ALOX12B: variants seen among roughly 807,000 people sequenced by gnomAD.
ALOX12B encodes arachidonate 12-lipoxygenase, 12R type.
A neutral mutation model predicts 78.9 loss-of-function variants in ALOX12B; 47 were observed. The observed-to-expected ratio is 0.60, with a 90% CI of 0.47 to 0.76. The LOEUF (loss-of-function observed/expected upper bound fraction) is 0.76, where lower values mean the gene tolerates loss of function less well. ALOX12B is among the 30% of genes least tolerant of loss of function. ALOX12B has a pLI of 0.00. For synonymous variants in ALOX12B, 370 were observed against 374.5 expected, an observed-to-expected ratio of 0.99 and a Z score of 0.14; for missense variants, 805 against 922.6, an observed-to-expected ratio of 0.87 and a Z score of 1.65.
At chr17:8,075,472 T>C in intron 12 of ALOX12B, 123 bp downstream of exon 12, 1 of 1,494,150 alleles carries the variant, frequency 6.7e-7, no homozygotes, top group Non-Finnish European at 9.2e-7. Flanking sequence ...GGCAGCAATT[T>C]GGTCTCCTTC....
Position 8,072,920 on chromosome 17 carries a change from A to C in ALOX12B, c.1957T>G (p.Phe653Val). The C allele has an allele frequency of 1.2e-6, 2 of 1,613,674 alleles. No individual in the cohort carries two copies. The highest frequency in any genetic ancestry group is 1.7e-6 in the Non-Finnish European group (2 of 1,179,814). Residue 653 changes from phenylalanine (F) to valine (V), a missense_variant, in exon 15 of 15, where the codon TTC becomes GTC. Transcript: ENST00000647874. ...RPLGHFPDIH[F>V]VEEAPRRSIE... ...CTCCTCCGCGGGGCCTCCTCCACGA[A>C]GTGAATGTCCGGGAAGTGTCCCAGG...
In ALOX12B at chr17:8,079,832, G is replaced by A. The variant is rs1977169443; in HGVS notation, c.864C>T (p.Pro288=). ...ACGGAGCCACCATGTCGTCTGTGAC[G>A]GGGAACTTGTCTGGGATCCGCGTGC... ...RRCTRIPDKF[P]VTDDMVAPFL... is the part of the protein sequence containing the mutation. The change falls in exon 7 of 15, where the codon CCC becomes CCT. Residue 288 remains proline (P), a synonymous_variant. Coordinates refer to ENST00000647874, the MANE Select transcript of ALOX12B (RefSeq NM_001139.3). This position sits in a 1 kb window ranked among gnomAD's most constrained non-coding sequence, Gnocchi z 6.4. The A allele has an allele frequency of 1.9e-6, 3 of 1,613,502 alleles. No homozygotes were observed. In the South Asian group the frequency reaches 3.3e-5, roughly 18 times the overall value.
Position 8,079,260 on chromosome 17 carries a change from T to C in ALOX12B, c.1071+136A>G. 7.4e-7 allele frequency: 1 copy of C among 1,352,304 alleles called. No individual in the cohort carries two copies. Among genetic ancestry groups the C allele is most frequent in the Non-Finnish European group, 9.9e-7 (1 of 1,012,524 alleles). 83.8% of individuals were successfully genotyped at this position (1,352,304 alleles called of 1,614,324 possible). Reference sequence around the variant, plus strand: ...AGATTTTGGCATCCCGGGGAGGTCCTGGAACCAATCTCTCAAGGATAACGA... The same window carrying C: ...AGATTTTGGCATCCCGGGGAGGTCCCGGAACCAATCTCTCAAGGATAACGA... On this transcript the variant is annotated intron_variant, in intron 8 of 14. Transcript: ENST00000647874. This position sits in a 1 kb window ranked among gnomAD's most constrained non-coding sequence, Gnocchi z 6.4.
rs370849449 is a variant in ALOX12B at position 8,080,805 on chromosome 17, T to C, written c.528-25A>G. 6.2e-6 allele frequency: 10 copies of C among 1,613,862 alleles called. No individual in the cohort carries two copies. Among genetic ancestry groups the C allele is most frequent in the Admixed American group, 1.7e-5 (1 of 59,992 alleles). On this transcript the variant is annotated intron_variant, in intron 4 of 14. Coordinates refer to ENST00000647874, the MANE Select transcript of ALOX12B (RefSeq NM_001139.3). This position sits in a 1 kb window ranked among gnomAD's most constrained non-coding sequence, Gnocchi z 4.8. The stretch of plus-strand genomic sequence containing the variant: ...CCTGTGGGGAGAAGCGCAGGGCAAC[T>C]GGGATCCAGGGGGCGGGGAGGAGGC...
In ALOX12B at chr17:8,076,090, C is replaced by T. The variant is rs1977073973; in HGVS notation, c.1532+85G>A. The T allele has an allele frequency of 3.2e-6, 5 of 1,572,512 alleles. No individual in the cohort carries two copies. The Admixed American group carries it at 5.1e-5, about 16-fold the overall frequency. On this transcript the variant is annotated intron_variant, in intron 11 of 14. Transcript: ENST00000647874. ...GCCCCTGGATGACACCAGACCCACA[C>T]TCAGTTCTCTAGAAGCTCCCCACAC...
chr17:8,086,293 C>T, intron 1 of ALOX12B, 73 bp from the exon 2 acceptor site: 1 of 1,475,504 alleles, frequency 6.8e-7, no homozygotes, highest in Non-Finnish European at 9.3e-7. Context: ...CCCTCTGGCC[C>T]CTCACCTAGG....
Position 8,074,189 on chromosome 17 carries a change from G to T in ALOX12B, c.1655-432C>A, listed in dbSNP as rs1215679128. ...TCCAGACTCTGTGCCCACTCCAGAT[G>T]GATTTCTCAGTCCCACACATCTTCC... On this transcript the variant is annotated intron_variant, in intron 12 of 14. Coordinates refer to ENST00000647874, the MANE Select transcript of ALOX12B (RefSeq NM_001139.3). 2.6e-5 allele frequency among the ~76,000 whole-genome samples: 4 copies of T among 152,042 alleles called. No homozygotes were observed. The East Asian group carries it at 7.7e-4, about 29-fold the overall frequency.
In ALOX12B at chr17:8,072,662, T is replaced by G; in HGVS notation, c.*109A>C. The G allele has an allele frequency of 5.5e-6, 8 of 1,448,536 alleles. No homozygotes were observed. Among genetic ancestry groups the G allele is most frequent in the Non-Finnish European group, 6.7e-6 (7 of 1,039,576 alleles). 89.7% of individuals were successfully genotyped at this position (1,448,536 alleles called of 1,614,324 possible). A position where few individuals can be genotyped will look rare whatever the true frequency, so the allele number is the denominator to read the frequency against. On this transcript the variant is annotated 3_prime_UTR_variant, in exon 15 of 15. Transcript: ENST00000647874. ...AAAGGAAGGTTTTTTGTTTTTTTGT[T>G]TGTTTGGTGTTTTGGTCTCTGAGGT...
At chr17:8,087,249 C>CACAGACAG (rs1555644066) in intron 1 of ALOX12B, 47 bp downstream of exon 1, 17 of 1,032,678 alleles carry the variant, frequency 1.6e-5, no homozygotes, top group Non-Finnish European at 1.6e-5. Context: ...CACACACACA[C>CACAGACAG]ACACACACAG....
chr17:8,072,897 C>G lies in ALOX12B; in HGVS notation c.1980G>C (p.Arg660Ser). Residue 660 changes from arginine to serine, a missense_variant, in exon 15 of 15, where the codon AGG (arginine) becomes AGC (serine). Physicochemically the swap from Arg to Ser is moderately radical, Grantham distance 110. Transcript: ENST00000647874. ...GGCGCTGGCGGAACGCCTCTATGCT[C>G]CTCCGCGGGGCCTCCTCCACGAAGT... is the stretch of plus-strand genomic sequence containing the variant. The part of the protein sequence containing the change: ...DIHFVEEAPR[R>S]SIEAFRQRLN... 6.2e-7 allele frequency: 1 copy of G among 1,614,090 alleles called. No individual in the cohort carries two copies. Among genetic ancestry groups the G allele is most frequent in the Non-Finnish European group, 8.5e-7 (1 of 1,180,014 alleles).
rs2151823056 is a variant in ALOX12B at position 8,080,006 on chromosome 17, G to A, written c.755-65C>T. On this transcript the variant is annotated intron_variant, in intron 6 of 14. Coordinates refer to ENST00000647874, the MANE Select transcript of ALOX12B (RefSeq NM_001139.3). This position sits in a 1 kb window ranked among gnomAD's most constrained non-coding sequence, Gnocchi z 4.8. ...CCCCCTCGGGGACGGAGAGGCATGG[G>A]ACAGAAGAAGACTATGGGCACCGAG... 2 of 1,572,006 alleles carry A rather than the reference G, an allele frequency of 1.3e-6. No individual in the cohort carries two copies. Among genetic ancestry groups the A allele is most frequent in the East Asian group, 4.6e-5 (2 of 43,078 alleles).
chr17:8,076,209 C>A lies in ALOX12B; in HGVS notation c.1498G>T (p.Asp500Tyr). 2.5e-6 allele frequency: 4 copies of A among 1,614,142 alleles called. No individual in the cohort carries two copies. Among genetic ancestry groups the A allele is most frequent in the Non-Finnish European group, 3.4e-6 (4 of 1,180,028 alleles). The change falls in exon 11 of 15, where the codon GAT becomes TAT. Residue 500 changes from aspartate (D) to tyrosine (Y), a missense_variant. By Grantham distance (160) the Asp-to-Tyr change is radical (BLOSUM62 -3). Coordinates refer to ENST00000647874, the MANE Select transcript of ALOX12B (RefSeq NM_001139.3). The stretch of plus-strand genomic sequence containing the variant: ...GCATTCCACACCGCCAAGCTGTCAT[C>A]GCGGTAGTAATATCCAGGCAGGTCC... ...VQDLPGYYYR[D>Y]DSLAVWNALE...
rs1598177120 is a variant in ALOX12B, at chr17:8,073,416, A to T, written c.1756-98T>A. ...ACCCGCCCTCCAGTCGCTGAGATGG[A>T]CTCCCCGCCCTTGGCGCTGAGGCTG... On this transcript the variant is annotated intron_variant, in intron 13 of 14. Transcript: ENST00000647874. 2.0e-6 allele frequency: 3 copies of T among 1,519,702 alleles called. No individual in the cohort carries two copies. The East Asian group carries it at 6.8e-5, about 35-fold the overall frequency. The allele number at this position is 1,519,702 out of a possible 1,614,324, so 94.1% of individuals were successfully genotyped here.
chr17:8,073,640 G>C lies in ALOX12B; in HGVS notation c.1755+17C>G. 1 of 1,610,254 alleles carries C rather than the reference G, an allele frequency of 6.2e-7. No individual in the cohort carries two copies. The highest frequency in any genetic ancestry group is 1.3e-5 in the African/African-American group (1 of 74,964). ...CTGAGCCTCGGGCTGGGCCTGGGTT[G>C]GTGAGACCACCGGTACCTGGCCTGT... On this transcript the variant is annotated intron_variant, in intron 13 of 14. Coordinates refer to ENST00000647874, the MANE Select transcript of ALOX12B (RefSeq NM_001139.3).
At position 8,077,104 on chromosome 17, in the gene ALOX12B, A is replaced by G; in HGVS notation, c.1161T>C (p.Tyr387=). ...TGGCCTCGTGGCTGTAGAACTCCGC[A>G]TAGCGTACCCACGTCTTGGCTAGCA... ...DWLLAKTWVR[Y]AEFYSHEAIA... The change falls in exon 9 of 15, where the codon TAT becomes TAC. Residue 387 remains tyrosine (Y), a synonymous_variant. Coordinates refer to ENST00000647874, the MANE Select transcript of ALOX12B (RefSeq NM_001139.3). The G allele has an allele frequency of 6.2e-7, 1 of 1,614,022 alleles. No homozygotes were observed. Among genetic ancestry groups the G allele is most frequent in the Non-Finnish European group, 8.5e-7 (1 of 1,180,016 alleles).
rs1375489572 is a variant in ALOX12B at position 8,083,180 on chromosome 17, T to C, written c.353-1993A>G. Among the ~76,000 whole-genome samples, 3 of 152,040 alleles carry C rather than the reference T, an allele frequency of 2.0e-5. No homozygotes were observed. In the East Asian group the frequency reaches 5.8e-4, roughly 29 times the overall value. On this transcript the variant is annotated intron_variant, in intron 2 of 14. Coordinates refer to ENST00000647874, the MANE Select transcript of ALOX12B (RefSeq NM_001139.3). The stretch of plus-strand genomic sequence containing the variant: ...GGGGTATGTGTGTGATATAGATTTA[T>C]AGATGAAGATATATATGTATACATA...
At chr17:8,084,640 G>A (rs999034773) in intron 2 of ALOX12B, among the ~76,000 whole-genome samples, 2 of 152,166 alleles carry the variant, frequency 1.3e-5, no homozygotes, top group African/African-American at 2.4e-5. Flanking sequence ...GGCTTTCCTC[G>A]CCTCTCCTTT....
intron 11 of ALOX12B, 97 bp from the exon 12 acceptor site, chr17:8,075,813 G>A (rs1032049602): frequency 6.3e-7 from 1 of 1,598,542 alleles, no homozygotes. Context: ...ACCTCAGTTG[G>A]CCCCAGAGCT....
At position 8,076,181 on chromosome 17, in the gene ALOX12B, A is replaced by T. The variant is rs1244493637; in HGVS notation, c.1526T>A (p.Leu509Gln). 4 of 1,613,946 alleles carry T rather than the reference A, an allele frequency of 2.5e-6. No individual in the cohort carries two copies. In the African/African-American group the frequency reaches 4.0e-5, roughly 16 times the overall value. ...RDDSLAVWNA[L>Q]EKYVTEIITY... ...ACTGCTGTCCTGAGCTCACTTCTCC[A>T]GTGCATTCCACACCGCCAAGCTGTC... Residue 509 changes from leucine to glutamine, a missense_variant, in exon 11 of 15, where the codon CTG (leucine) becomes CAG (glutamine). Physicochemically the swap from Leu to Gln is moderately radical, Grantham distance 113. Coordinates refer to ENST00000647874, the MANE Select transcript of ALOX12B (RefSeq NM_001139.3).
Sources: allele counts gnomAD v4.1 joint callset (sites outside exome capture counted in the v4.1 genomes callset), GRCh38; gene constraint gnomAD v4.1.1; non-coding constraint Gnocchi (gnomAD v3.1); transcripts MANE v1.5; gene names NCBI Gene and HGNC (gene_info 2026-07-23, HGNC 2026-07-21).